The following VAMP7 variants were observed in gnomAD, a reference collection of about 807,000 sequenced individuals.
The protein encoded by VAMP7 is vesicle-associated membrane protein 7.
In VAMP7, 14 loss-of-function variants were observed where a neutral mutation model predicts 29.6. The ratio of observed to expected loss-of-function variants is 0.47; its 90% CI spans 0.31 to 0.74. The LOEUF is 0.74. VAMP7 is among the 30% of genes least tolerant of loss of function. The pLI is 0.05. For missense variants in VAMP7, 223 were observed against 262.4 expected (o/e 0.85, Z 1.04); for synonymous variants, 95 against 88.1 (o/e 1.08, Z -0.44).
In VAMP7 at chrX:155,942,765, G is replaced by A. The variant is rs1393831549; in HGVS notation, c.*814G>A. The A allele has an allele frequency of 6.6e-6, 1 of 152,376 alleles. No individual in the cohort carries two copies. Among genetic ancestry groups the A allele is most frequent in the Non-Finnish European group, 1.5e-5 (1 of 68,274 alleles). The allele number at this position is 152,376 out of a possible 1,614,324, so 9.4% of individuals were successfully genotyped here. A position where few individuals can be genotyped will look rare whatever the true frequency, so the allele number is the denominator to read the frequency against. ...TCGCTAATAGAATATGTAGTAGAGG[G>A]GGTGGGGAGGTAAATTCCTCTGACT... On this transcript the variant is annotated 3_prime_UTR_variant, in exon 8 of 8. Transcript: ENST00000286448.
chrX:155,906,228 A>G (rs1602952245), intron 5 of VAMP7, among the ~76,000 whole-genome samples: 1 of 152,250 alleles, frequency 6.6e-6, no homozygotes, highest in South Asian at 2.1e-4. Context: ...CTAATACCCC[A>G]CCCTTGATCA....
At chrX:155,896,050 A>G (rs2065983278) in intron 3 of VAMP7, among the ~76,000 whole-genome samples, 1 of 152,158 alleles carries the variant, frequency 6.6e-6, no homozygotes, top group African/African-American at 2.4e-5. Flanking sequence ...GTCTTCTACA[A>G]AACCGGTCCC....
In VAMP7 at chrX:155,920,008, A is replaced by G. The variant is rs2066372916; in HGVS notation, c.501+128A>G. The G allele has an allele frequency of 9.5e-6, 7 of 740,054 alleles. No individual in the cohort carries two copies. In the Admixed American group the frequency reaches 2.0e-4, roughly 21 times the overall value. The allele number at this position is 740,054 out of a possible 1,614,324, so 45.8% of individuals were successfully genotyped here. ...TTTTTTTTTCTTTCTCATTTCCATT[A>G]TGTGATTACTTTGTAATAATGAGGA... On this transcript the variant is annotated intron_variant, in intron 6 of 7. Coordinates refer to ENST00000286448, the MANE Select transcript of VAMP7 (RefSeq NM_005638.6).
intron 6 of VAMP7, among the ~76,000 whole-genome samples, chrX:155,931,636 CA>C (rs1361041803): frequency 3.3e-5 from 5 of 152,114 alleles, no homozygotes; most frequent in African/African-American, 1.2e-4. Flanking sequence ...GAGTAGATTG[CA>C]AAACTTTTCT....
In VAMP7 at chrX:155,900,550, A is replaced by G. The variant is rs753324908; in HGVS notation, c.396A>G (p.Gln132=). Reference sequence around the variant, plus strand: ...ACAAAGTGATGGAGACTCAAGCCCAAGTGGATGAACTGAAAGGAATCATGG... The same window carrying G: ...ACAAAGTGATGGAGACTCAAGCCCAGGTGGATGAACTGAAAGGAATCATGG... ...GLDKVMETQA[Q]VDELKGIMVR... The change falls in exon 5 of 8, where the codon CAA becomes CAG. Residue 132 remains glutamine, a synonymous_variant. Transcript: ENST00000286448. 1.2e-6 allele frequency: 2 copies of G among 1,611,002 alleles called. No homozygotes were observed. Among genetic ancestry groups the G allele is most frequent in the Admixed American group, 3.3e-5 (2 of 59,710 alleles).
intron 5 of VAMP7, among the ~76,000 whole-genome samples, chrX:155,907,069 G>A (rs1468171543): frequency 6.6e-6 from 1 of 151,814 alleles, no homozygotes; most frequent in Non-Finnish European, 1.5e-5. Context: ...GATGGTTTTT[G>A]TTCTTTATTA....
chrX:155,915,660 G>T (rs1172675779), intron 5 of VAMP7, among the ~76,000 whole-genome samples: 1 of 152,148 alleles, frequency 6.6e-6, no homozygotes, highest in Admixed American at 6.5e-5. Context: ...CATTTTCCAT[G>T]TAGTTGTGCA....
intron 5 of VAMP7, among the ~76,000 whole-genome samples, chrX:155,918,182 C>T (rs1356834622): frequency 6.6e-6 from 1 of 152,098 alleles, no homozygotes; most frequent in Non-Finnish European, 1.5e-5. Flanking sequence ...TGTCCCAGGT[C>T]GACTTCAGAC....
At chrX:155,931,507 A>G (rs1255544510) in intron 6 of VAMP7, among the ~76,000 whole-genome samples, 1 of 152,168 alleles carries the variant, frequency 6.6e-6, no homozygotes, top group South Asian at 2.1e-4. Context: ...CATAAATGCC[A>G]TCTTTTGAGA....
intron 5 of VAMP7, among the ~76,000 whole-genome samples, chrX:155,912,859 C>T (rs1351526102): frequency 1.3e-5 from 2 of 152,100 alleles, no homozygotes; most frequent in African/African-American, 2.4e-5. Context: ...GATTTATAAT[C>T]CTTTGGGTAT....
intron 5 of VAMP7, among the ~76,000 whole-genome samples, chrX:155,912,947 C>G (rs963064876): frequency 5.9e-5 from 9 of 152,160 alleles, no homozygotes; most frequent in African/African-American, 9.6e-5. Flanking sequence ...CTGTCTTTGA[C>G]AATGGTTGAA....
chrX:155,886,364 T>C (rs2065865448), intron 1 of VAMP7, among the ~76,000 whole-genome samples: 1 of 152,178 alleles, frequency 6.6e-6, no homozygotes, highest in Non-Finnish European at 1.5e-5. Flanking sequence ...AAGGAATTCC[T>C]ATTAGTGACA....
chrX:155,901,417 CAAT>C (rs1220091893), intron 5 of VAMP7, among the ~76,000 whole-genome samples: 1 of 151,862 alleles, frequency 6.6e-6, no homozygotes, highest in African/African-American at 2.4e-5. Flanking sequence ...ACAATTGCTA[CAAT>C]ATTATTTATT....
chrX:155,883,016 A>G (rs1227901418), intron 1 of VAMP7, among the ~76,000 whole-genome samples: 1 of 152,174 alleles, frequency 6.6e-6, no homozygotes, highest in Admixed American at 6.5e-5. Context: ...ACATTCTTAG[A>G]TTATTCACTT....
At chrX:155,927,769 T>A (rs1273276557) in intron 6 of VAMP7, among the ~76,000 whole-genome samples, 2 of 151,572 alleles carry the variant, frequency 1.3e-5, no homozygotes, top group Non-Finnish European at 2.9e-5. Context: ...ATGGCAGTTT[T>A]TTTTTTTTTT....
chrX:155,915,350 A>C (rs746765227), intron 5 of VAMP7, among the ~76,000 whole-genome samples: 2 of 152,018 alleles, frequency 1.3e-5, no homozygotes, highest in African/African-American at 4.8e-5. Flanking sequence ...AGGGTTTTTC[A>C]TGTCTCTTTC....
chrX:155,890,516 A>T (rs945495024), intron 2 of VAMP7, among the ~76,000 whole-genome samples: 3 of 151,970 alleles, frequency 2.0e-5, no homozygotes, highest in African/African-American at 7.3e-5. Flanking sequence ...GTGCACCACC[A>T]TGCCCAGCTA....
chrX:155,912,647 G>A (rs1450965453), intron 5 of VAMP7, among the ~76,000 whole-genome samples: 1 of 152,072 alleles, frequency 6.6e-6, no homozygotes, highest in Non-Finnish European at 1.5e-5. Context: ...TGCTGAGAAT[G>A]ATGGTTTCCA....
At chrX:155,938,765 G>A (rs745669654) in intron 6 of VAMP7, among the ~76,000 whole-genome samples, 3 of 152,270 alleles carry the variant, frequency 2.0e-5, no homozygotes, top group East Asian at 1.9e-4. Context: ...GCAGTGAGTC[G>A]TAATTGTGCC....
Sources: allele counts gnomAD v4.1 joint callset (sites outside exome capture counted in the v4.1 genomes callset), GRCh38; gene constraint gnomAD v4.1.1; transcripts MANE v1.5; gene names NCBI Gene and HGNC (gene_info 2026-07-23, HGNC 2026-07-21).